Variants in VAPA observed in about 807,000 individuals in gnomAD.
The protein encoded by VAPA is vesicle-associated membrane protein-associated protein A.
Under a neutral mutation model 25.6 loss-of-function variants are expected in VAPA, and 6 were observed. The ratio of observed to expected loss-of-function variants is 0.23; its 90% CI spans 0.13 to 0.46. The LOEUF is 0.46. Ranked by LOEUF, VAPA falls within the 20% of genes least tolerant of loss-of-function variation. VAPA has a pLI of 0.99. For missense variants in VAPA, 244 were observed against 302.1 expected (o/e 0.81, Z 1.43); for synonymous variants, 112 against 106.2 (o/e 1.05, Z -0.34).
chr18:9,928,711 GAA>G (rs1042069452), intron 1 of VAPA, among the ~76,000 whole-genome samples: 2 of 151,870 alleles, frequency 1.3e-5, no homozygotes, highest in South Asian at 2.1e-4. Context: ...AACATAAGGG[GAA>G]AAAAAGGAAG....
Position 9,932,585 on chromosome 18 carries a change from C to G in VAPA, c.232+623C>G, listed in dbSNP as rs137946095. Reference sequence around the variant, plus strand: ...CCCTATAAACTGTTTCTTTCTTTCTCAGTCCCTCTGACTTCACTAATATAG... The same window carrying G: ...CCCTATAAACTGTTTCTTTCTTTCTGAGTCCCTCTGACTTCACTAATATAG... On this transcript the variant is annotated intron_variant, in intron 2 of 5. Transcript: ENST00000400000. Among the ~76,000 whole-genome samples, 680 of 152,342 alleles carry G rather than the reference C, an allele frequency of 4.5e-3. 10 individuals carry two copies. The highest frequency in any genetic ancestry group is 0.042 in the East Asian group (216 of 5,186).
In VAPA at chr18:9,959,225, C is replaced by T. The variant is rs1201890798; in HGVS notation, c.*5014C>T. On this transcript the variant is annotated 3_prime_UTR_variant, in exon 6 of 6. Transcript: ENST00000400000. ...TCCTGGTCCAAGTCAAATATTGACT[C>T]CTCACAAACAGTAAGTATGGCAATT... The T allele has an allele frequency of 6.6e-6, 1 of 152,190 alleles. No individual in the cohort carries two copies. Among genetic ancestry groups the T allele is most frequent in the African/African-American group, 2.4e-5 (1 of 41,456 alleles). 9.4% of individuals were successfully genotyped at this position (152,190 alleles called of 1,614,324 possible).
In VAPA at chr18:9,957,543, A is replaced by G. The variant is rs942938721; in HGVS notation, c.*3332A>G. On this transcript the variant is annotated 3_prime_UTR_variant, in exon 6 of 6. Coordinates refer to ENST00000400000, the MANE Select transcript of VAPA (RefSeq NM_194434.3). ...TTTTCTTAGAGCTTTGCACATTCCT[A>G]TTCACTGAGATTTTAAAAATTTCAC... 5.9e-5 allele frequency: 9 copies of G among 152,136 alleles called. No homozygotes were observed. Among genetic ancestry groups the G allele is most frequent in the African/African-American group, 2.2e-4 (9 of 41,428 alleles). The allele number at this position is 152,136 out of a possible 1,614,324, so 9.4% of individuals were successfully genotyped here.
intron 4 of VAPA, chr18:9,944,989 A>C (rs2069406765): frequency 1.2e-6 from 2 of 1,614,208 alleles, no homozygotes; most frequent in East Asian, 4.5e-5. Context: ...ACACAGTTGC[A>C]ACACCTGCCA....
At chr18:9,936,784 A>G (rs914016935) in intron 3 of VAPA, 1 of 463,166 alleles carries the variant, frequency 2.2e-6, no homozygotes, top group African/African-American at 2.0e-5. Context: ...CGTGATTTTA[A>G]TGGATGGTGA....
At position 9,925,670 on chromosome 18, in the gene VAPA, A is replaced by G. The variant is rs189414661; in HGVS notation, c.80-6140A>G. The stretch of plus-strand genomic sequence containing the variant: ...TGAAAAAAACATACAGTAAGGGTAA[A>G]TTCAAGTGACATCATTTAAAAAATT... On this transcript the variant is annotated intron_variant, in intron 1 of 5. Coordinates refer to ENST00000400000, the MANE Select transcript of VAPA (RefSeq NM_194434.3). Among the ~76,000 whole-genome samples, 399 of 152,240 alleles carry G rather than the reference A, an allele frequency of 2.6e-3. 1 individual carries two copies. Among genetic ancestry groups the G allele is most frequent in the Admixed American group, 4.2e-3 (64 of 15,280 alleles).
chr18:9,925,285 A>G (rs1353367759), intron 1 of VAPA, among the ~76,000 whole-genome samples: 3 of 151,868 alleles, frequency 2.0e-5, no homozygotes, highest in African/African-American at 7.3e-5. Flanking sequence ...GTATAATTGT[A>G]TAATATGATT....
intron 5 of VAPA, 167 bp downstream of exon 5, chr18:9,950,735 C>G (rs770641782): frequency 1.6e-6 from 1 of 637,172 alleles, no homozygotes; most frequent in Non-Finnish European, 2.6e-6. Context: ...ACAGTCTTCC[C>G]GTGGTTTCTC....
rs143917888 is a variant in VAPA at position 9,915,783 on chromosome 18, A to G, written c.79+1448A>G. ...TGCAAGCTTTTTAGTGCGTTTACAA[A>G]TTTCTTTGAATAGAAGTGTAAGTGA... On this transcript the variant is annotated intron_variant, in intron 1 of 5. Transcript: ENST00000400000. 194 of 152,364 alleles carry G rather than the reference A, an allele frequency of 1.3e-3. 1 individual carries two copies. The highest frequency in any genetic ancestry group is 4.4e-3 in the African/African-American group (182 of 41,584). The allele number at this position is 152,364 out of a possible 1,614,324, so 9.4% of individuals were successfully genotyped here.
In VAPA at chr18:9,914,340, G is replaced by C; in HGVS notation, c.79+5G>C. 6.3e-7 allele frequency: 1 copy of C among 1,575,072 alleles called. No homozygotes were observed. The highest frequency in any genetic ancestry group is 2.6e-5 in the East Asian group (1 of 39,078). Reference sequence around the variant, plus strand: ...CCACAGACCTCAAATTCAAAGGTAGGCAGAACGGGGACACCCCCGGGTGGG... The same window carrying C: ...CCACAGACCTCAAATTCAAAGGTAGCCAGAACGGGGACACCCCCGGGTGGG... On this transcript the variant is annotated splice_donor_5th_base_variant and intron_variant, in intron 1 of 5. Coordinates refer to ENST00000400000, the MANE Select transcript of VAPA (RefSeq NM_194434.3).
intron 2 of VAPA, 61 bp from the exon 3 acceptor site, chr18:9,936,049 T>C (rs45483796): frequency 8.3e-6 from 10 of 1,205,742 alleles, no homozygotes; most frequent in Non-Finnish European, 1.1e-5. Context: ...TGTAACTGTT[T>C]CAATGTATGT....
chr18:9,951,105 T>C (rs1417557215), intron 5 of VAPA: 1 of 152,340 alleles, frequency 6.6e-6, no homozygotes, highest in Non-Finnish European at 1.5e-5. Context: ...TTCTTTTTAC[T>C]TTTTAAATGT....
intron 4 of VAPA, chr18:9,948,053 T>A (rs958792922): frequency 2.0e-5 from 3 of 151,760 alleles, no homozygotes; most frequent in Non-Finnish European, 2.9e-5. Flanking sequence ...TCGGCTTCAC[T>A]GTATTCTTTG....
intron 1 of VAPA, among the ~76,000 whole-genome samples, chr18:9,918,583 C>T (rs2069131769): frequency 1.3e-5 from 2 of 152,124 alleles, no homozygotes; most frequent in South Asian, 4.1e-4. Context: ...TTCTTATTTG[C>T]TCCATTTATT....
chr18:9,936,305 TA>T (rs1448018172), intron 3 of VAPA, 92 bp downstream of exon 3: 17 of 780,492 alleles, frequency 2.2e-5, no homozygotes, highest in Non-Finnish European at 3.1e-5. Flanking sequence ...TTCTAAAAAC[TA>T]AAAGTTAAAT....
chr18:9,917,124 AAGT>A (rs2069118344), intron 1 of VAPA, among the ~76,000 whole-genome samples: 1 of 152,346 alleles, frequency 6.6e-6, no homozygotes, highest in East Asian at 1.9e-4. Flanking sequence ...AAAGAAAAAG[AAGT>A]AGACGCTGCT....
chr18:9,933,448 A>C (rs2069276906), intron 2 of VAPA, among the ~76,000 whole-genome samples: 1 of 152,116 alleles, frequency 6.6e-6, no homozygotes, highest in African/African-American at 2.4e-5. Flanking sequence ...TGGGAAAGAG[A>C]GATGGGAAAT....
At chr18:9,953,805 A>G (rs1027610803) in intron 5 of VAPA, among the ~76,000 whole-genome samples, 9 of 152,230 alleles carry the variant, frequency 5.9e-5, no homozygotes, top group African/African-American at 2.2e-4. Context: ...TTTATATCCC[A>G]TGGAGACACC....
At chr18:9,926,544 A>G (rs1026941877) in intron 1 of VAPA, among the ~76,000 whole-genome samples, 2 of 152,148 alleles carry the variant, frequency 1.3e-5, no homozygotes. Flanking sequence ...TGTTCATGGC[A>G]CTGCAAGTGG....
Sources: allele counts gnomAD v4.1 joint callset (sites outside exome capture counted in the v4.1 genomes callset), GRCh38; gene constraint gnomAD v4.1.1; transcripts MANE v1.5; gene names NCBI Gene and HGNC (gene_info 2026-07-23, HGNC 2026-07-21).